Variants in SPATA17 observed in about 807,000 individuals in gnomAD.
The protein encoded by SPATA17 is spermatogenesis-associated protein 17.
In SPATA17, 53 loss-of-function variants were observed where a neutral mutation model predicts 62.2. The ratio of observed to expected loss-of-function variants is 0.85; its 90% CI spans 0.68 to 1.07. SPATA17 has a LOEUF of 1.07. SPATA17 is among the 50% of genes least tolerant of loss of function. The probability of loss-of-function intolerance (pLI) is 0.00; values close to 1 mark genes in which losing one functional copy is unlikely to be tolerated. For synonymous variants in SPATA17, 146 were observed against 146.8 expected, an observed-to-expected ratio of 0.99 and a Z score of 0.04; for missense variants, 466 against 425.5, an observed-to-expected ratio of 1.10 and a Z score of -0.84.
At chr1:217,764,039 T>A (rs777684346) in intron 6 of SPATA17, among the ~76,000 whole-genome samples, 2 of 152,152 alleles carry the variant, frequency 1.3e-5, no homozygotes, top group African/African-American at 4.8e-5. Flanking sequence ...TCATCCAACA[T>A]CCAATAAATG....
intron 3 of SPATA17, among the ~76,000 whole-genome samples, chr1:217,661,866 T>C (rs1475446097): frequency 1.3e-5 from 2 of 152,204 alleles, no homozygotes; most frequent in Non-Finnish European, 2.9e-5. Flanking sequence ...GTTCATTTCA[T>C]TATACAATCA....
chr1:217,869,064 T>A lies in SPATA17; in HGVS notation c.*2045T>A, dbSNP rs769803877. 1 of 152,338 alleles carries A rather than the reference T, an allele frequency of 6.6e-6. No homozygotes were observed. The highest frequency in any genetic ancestry group is 1.5e-5 in the Non-Finnish European group (1 of 68,070). The allele number at this position is 152,338 out of a possible 1,614,324, so 9.4% of individuals were successfully genotyped here. A position where few individuals can be genotyped will look rare whatever the true frequency, so the allele number is the denominator to read the frequency against. ...TTGACACTGCACCTGTCAGTACAGG[T>A]CCTGACAACATGTGTCCAAGGTGGT... On this transcript the variant is annotated 3_prime_UTR_variant, in exon 11 of 11. Transcript: ENST00000366933.
At chr1:217,732,702 A>G (rs1358472323) in intron 5 of SPATA17, among the ~76,000 whole-genome samples, 2 of 152,326 alleles carry the variant, frequency 1.3e-5, no homozygotes, top group South Asian at 2.1e-4. Flanking sequence ...AAAGATGAAC[A>G]GAGACCTTGT....
At chr1:217,699,532 T>G (rs1182212793) in intron 5 of SPATA17, among the ~76,000 whole-genome samples, 1 of 152,230 alleles carries the variant, frequency 6.6e-6, no homozygotes, top group African/African-American at 2.4e-5. Context: ...TCATGTGTTT[T>G]GCCCATTTTC....
intron 6 of SPATA17, among the ~76,000 whole-genome samples, chr1:217,763,094 G>A (rs566491601): frequency 2.6e-5 from 4 of 152,288 alleles, no homozygotes; most frequent in Non-Finnish European, 5.9e-5. Context: ...CTTCTAATGC[G>A]CAGCCAGAGT....
At chr1:217,727,289 C>T (rs927687277) in intron 5 of SPATA17, among the ~76,000 whole-genome samples, 38 of 128,524 alleles carry the variant, frequency 3.0e-4, no homozygotes, top group African/African-American at 8.0e-4. Flanking sequence ...ATAATAATAA[C>T]AACAAAAAAC....
At chr1:217,695,983 G>C (rs1229973873) in intron 5 of SPATA17, among the ~76,000 whole-genome samples, 1 of 150,542 alleles carries the variant, frequency 6.6e-6, no homozygotes, top group Non-Finnish European at 1.5e-5. Context: ...GGAGCCTACA[G>C]AGGCAGGCAG....
In SPATA17 at chr1:217,684,751, G is replaced by A. The variant is rs1413328497; in HGVS notation, c.395+1390G>A. Among the ~76,000 whole-genome samples, 3 of 152,190 alleles carry A rather than the reference G, an allele frequency of 2.0e-5. No individual in the cohort carries two copies. In the East Asian group the frequency reaches 5.8e-4, roughly 29 times the overall value. On this transcript the variant is annotated intron_variant, in intron 5 of 10. Transcript: ENST00000366933. ...CTCTTTAAAGTCTTTGAACTAAAGAGAACAAGTAATTGGCAATAAATTATT... is the reference window on the plus strand; with the variant it reads ...CTCTTTAAAGTCTTTGAACTAAAGAAAACAAGTAATTGGCAATAAATTATT...
intron 1 of SPATA17, among the ~76,000 whole-genome samples, chr1:217,643,909 G>T (rs1421995797): frequency 6.6e-6 from 1 of 151,670 alleles, no homozygotes; most frequent in Non-Finnish European, 1.5e-5. Context: ...TTGTATTTTT[G>T]TAGAGACAGG....
In SPATA17 at chr1:217,782,328, T is replaced by C. The variant is rs1469507944; in HGVS notation, c.872+6T>C. The stretch of plus-strand genomic sequence containing the variant: ...CAAAATGTAAATGACAATATGTGAG[T>C]TCTTAGCTTAACAAAAATAGCTGTG... On this transcript the variant is annotated splice_donor_region_variant and intron_variant, in intron 8 of 10. Transcript: ENST00000366933. 2 of 1,584,638 alleles carry C rather than the reference T, an allele frequency of 1.3e-6. No individual in the cohort carries two copies. The highest frequency in any genetic ancestry group is 4.5e-5 in the East Asian group (2 of 44,412).
chr1:217,836,710 A>G lies in SPATA17; in HGVS notation c.1006-26064A>G, dbSNP rs1178874685. On this transcript the variant is annotated intron_variant, in intron 9 of 10. Transcript: ENST00000366933. ...GATGGAGCAAATCAAAATTTGGGTT[A>G]ATTTCCAGCCTTCTCGGCTCCTCCC... 2.0e-5 allele frequency among the ~76,000 whole-genome samples: 3 copies of G among 152,106 alleles called. No homozygotes were observed. The East Asian group carries it at 5.8e-4, about 29-fold the overall frequency.
At chr1:217,802,973 C>T (rs1256952337) in intron 9 of SPATA17, among the ~76,000 whole-genome samples, 4 of 152,088 alleles carry the variant, frequency 2.6e-5, no homozygotes, top group African/African-American at 4.8e-5. Flanking sequence ...AGTGCAATGG[C>T]GCAATCTTGG....
chr1:217,818,989 A>T (rs12406549), intron 9 of SPATA17, among the ~76,000 whole-genome samples: 43,637 of 149,134 alleles, frequency 0.29, 7,573 homozygotes, highest in Non-Finnish European at 0.38. Flanking sequence ...TTTTTCCTCA[A>T]TTTCTTTCCT....
At chr1:217,839,748 C>T (rs1206988192) in intron 9 of SPATA17, among the ~76,000 whole-genome samples, 1 of 151,516 alleles carries the variant, frequency 6.6e-6, no homozygotes, top group African/African-American at 2.4e-5. Flanking sequence ...ATAGGGGAAC[C>T]ATAGTTGGTG....
chr1:217,765,374 A>T (rs1320549207), intron 6 of SPATA17, among the ~76,000 whole-genome samples: 4 of 151,412 alleles, frequency 2.6e-5, no homozygotes, highest in South Asian at 2.1e-4. Flanking sequence ...TATTGATTTT[A>T]TATATTTTTT....
At position 217,867,053 on chromosome 1, in the gene SPATA17, T is replaced by A. The variant is rs1676029648; in HGVS notation, c.*34T>A. On this transcript the variant is annotated 3_prime_UTR_variant, in exon 11 of 11. Coordinates refer to ENST00000366933, the MANE Select transcript of SPATA17 (RefSeq NM_138796.4). ...GAAGAAGAAACTGAAGCCATCTGCATTTTAAAACTTAACAGTTCTGAAAGG... is the reference window on the plus strand; with the variant it reads ...GAAGAAGAAACTGAAGCCATCTGCAATTTAAAACTTAACAGTTCTGAAAGG... 1 of 152,138 alleles carries A rather than the reference T, an allele frequency of 6.6e-6. No homozygotes were observed. The highest frequency in any genetic ancestry group is 2.1e-4 in the South Asian group (1 of 4,826). The allele number at this position is 152,138 out of a possible 1,614,324, so 9.4% of individuals were successfully genotyped here. A position where few individuals can be genotyped will look rare whatever the true frequency, so the allele number is the denominator to read the frequency against.
chr1:217,774,584 T>C lies in SPATA17; in HGVS notation c.723+47T>C, dbSNP rs761156009. 14 of 1,545,726 alleles carry C rather than the reference T, an allele frequency of 9.1e-6. No homozygotes were observed. The East Asian group carries it at 3.2e-4, about 36-fold the overall frequency. ...ATTCTGTCATTAATTTTATTCTTGC[T>C]ATTTTTTGCACTTTTTATATAACAC... On this transcript the variant is annotated intron_variant, in intron 7 of 10. Coordinates refer to ENST00000366933, the MANE Select transcript of SPATA17 (RefSeq NM_138796.4).
intron 9 of SPATA17, among the ~76,000 whole-genome samples, chr1:217,840,600 G>GTAA: frequency 6.6e-6 from 1 of 152,134 alleles, no homozygotes; most frequent in African/African-American, 2.4e-5. Flanking sequence ...GCTCATGCCT[G>GTAA]TAATCCCAGG....
rs751159758 is a variant in SPATA17, at chr1:217,774,357, C to G, written c.543C>G (p.Pro181=). ...TKQIPGIYNS[P]FRKEPDPWEL... The stretch of plus-strand genomic sequence containing the variant: ...AGATTCCAGGAATATACAATTCACC[C>G]TTCAGAAAAGAGCCTGATCCATGGG... The change falls in exon 7 of 11, where the codon CCC becomes CCG. Residue 181 remains proline (P), a synonymous_variant. Transcript: ENST00000366933. 6.2e-7 allele frequency: 1 copy of G among 1,613,700 alleles called. No individual in the cohort carries two copies. The highest frequency in any genetic ancestry group is 8.5e-7 in the Non-Finnish European group (1 of 1,179,830).
Sources: allele counts gnomAD v4.1 joint callset (sites outside exome capture counted in the v4.1 genomes callset), GRCh38; gene constraint gnomAD v4.1.1; transcripts MANE v1.5; gene names NCBI Gene and HGNC (gene_info 2026-07-23, HGNC 2026-07-21).